PGBD2: variants seen among roughly 807,000 people sequenced by gnomAD.
PGBD2 encodes the protein piggyBac transposable element-derived protein 2.
A neutral mutation model predicts 8.1 loss-of-function variants in PGBD2; 6 were observed. The observed-to-expected ratio is 0.74, with a 90% confidence interval of 0.40 to 1.46. The LOEUF is 1.46. PGBD2 is among the 40% of genes most tolerant of loss of function. The pLI is 0.02. For missense variants in PGBD2, 802 were observed against 739.0 expected (o/e 1.09, Z -0.99); for synonymous variants, 318 against 272.2 (o/e 1.17, Z -1.66).
At chr1:248,920,953 T>C (rs921724393), downstream of PGBD2, among the ~76,000 whole-genome samples, 4 of 152,164 alleles carry the variant, frequency 2.6e-5, no homozygotes. Flanking sequence ...TTTTGAGAAG[T>C]GTCTGTTCAT....
At chr1:248,905,914 G>T (rs1240527255), upstream of PGBD2, among the ~76,000 whole-genome samples, 1 of 152,186 alleles carries the variant, frequency 6.6e-6, no homozygotes, top group Non-Finnish European at 1.5e-5. Flanking sequence ...CATTTCCATC[G>T]ATTTCCCAGG....
chr1:248,911,383 A>T, intron 1 of PGBD2, among the ~76,000 whole-genome samples: 1 of 150,774 alleles, frequency 6.6e-6, no homozygotes, highest in Non-Finnish European at 1.5e-5. Context: ...CCCTTAATCC[A>T]TTCAACCCTG....
At chr1:248,899,624 C>A in the PGBD2 span, among the ~76,000 whole-genome samples, 3 of 151,610 alleles carry the variant, frequency 2.0e-5, no homozygotes, top group Non-Finnish European at 4.4e-5. Context: ...TACTAAATGC[C>A]CACATCAAAA....
At chr1:248,929,417 T>C in the PGBD2 span, among the ~76,000 whole-genome samples, 1 of 152,196 alleles carries the variant, frequency 6.6e-6, no homozygotes, top group East Asian at 1.9e-4. Flanking sequence ...CAGGGACTTT[T>C]TAGTAATCTA....
the PGBD2 span, among the ~76,000 whole-genome samples, chr1:248,874,322 A>G: frequency 1.7e-4 from 26 of 152,160 alleles, no homozygotes; most frequent in Non-Finnish European, 2.6e-4. Flanking sequence ...TCAGGAAAGT[A>G]AGCCGTTTTA....
the PGBD2 span, among the ~76,000 whole-genome samples, chr1:248,926,287 TG>T: frequency 1.3e-5 from 2 of 152,184 alleles, no homozygotes; most frequent in Non-Finnish European, 1.5e-5. Flanking sequence ...AACATAATAA[TG>T]TAAATAATTT....
At chr1:248,922,566 C>T (rs1662308633), downstream of PGBD2, among the ~76,000 whole-genome samples, 1 of 152,094 alleles carries the variant, frequency 6.6e-6, no homozygotes, top group African/African-American at 2.4e-5. Context: ...CAGTTTTTGC[C>T]CATTCAGTAT....
chr1:248,912,741 G>A (rs1193595127), intron 1 of PGBD2: 1 of 151,206 alleles, frequency 6.6e-6, no homozygotes, highest in African/African-American at 2.4e-5. Flanking sequence ...GACAGGCTAT[G>A]CTAATCTTCT....
Position 248,913,975 on chromosome 1 carries a change from G to C in PGBD2, c.17+96G>C, listed in dbSNP as rs144738414. 5,931 of 1,018,524 alleles carry C rather than the reference G, an allele frequency of 5.8e-3. 26 individuals carry two copies. The highest frequency in any genetic ancestry group is 8.4e-3 in the Middle Eastern group (41 of 4,884). The allele number at this position is 1,018,524 out of a possible 1,614,324, so 63.1% of individuals were successfully genotyped here. On this transcript the variant is annotated intron_variant, in intron 2 of 2. Transcript: ENST00000329291. ...ATGACATTTTTAGCTCTTGGCCTCA[G>C]TATAACAGTTGGTGTCCAGGAAGTA...
chr1:248,925,547 T>A, the PGBD2 span, among the ~76,000 whole-genome samples: 5 of 151,918 alleles, frequency 3.3e-5, no homozygotes, highest in African/African-American at 9.7e-5. Context: ...TACTAGGATA[T>A]TTTCTAACCT....
the PGBD2 span, among the ~76,000 whole-genome samples, chr1:248,926,568 A>C: frequency 6.6e-6 from 1 of 152,208 alleles, no homozygotes; most frequent in African/African-American, 2.4e-5. Flanking sequence ...GTATTTCATG[A>C]AGATCTACTG....
intron 1 of PGBD2, among the ~76,000 whole-genome samples, chr1:248,910,023 C>A (rs1172205271): frequency 1.3e-5 from 2 of 152,144 alleles, no homozygotes. Flanking sequence ...GTGGATGGGG[C>A]CAGCCTAAGG....
At chr1:248,928,864 T>C in the PGBD2 span, among the ~76,000 whole-genome samples, 1 of 152,216 alleles carries the variant, frequency 6.6e-6, no homozygotes, top group African/African-American at 2.4e-5. Context: ...TTCTGCCATA[T>C]GCATAGTTCA....
chr1:248,895,666 A>G, the PGBD2 span, among the ~76,000 whole-genome samples: 4 of 151,878 alleles, frequency 2.6e-5, no homozygotes, highest in South Asian at 2.1e-4. Context: ...AGCAGTGTAC[A>G]CTGTACCCAA....
At chr1:248,915,115 G>A (rs1460920130) in intron 2 of PGBD2, among the ~76,000 whole-genome samples, 1 of 152,158 alleles carries the variant, frequency 6.6e-6, no homozygotes, top group Non-Finnish European at 1.5e-5. Context: ...TATCCGGGAT[G>A]GCATTCATTG....
Position 248,917,648 on chromosome 1 carries a change from C to A in PGBD2, c.1064C>A (p.Thr355Lys). 1 of 1,614,164 alleles carries A rather than the reference C, an allele frequency of 6.2e-7. No homozygotes were observed. The highest frequency in any genetic ancestry group is 8.5e-7 in the Non-Finnish European group (1 of 1,180,026). ...CACATATTTTTTGACAAGGTTTTCA[C>A]AAGTGTTAAACTGATGTCCATTTTG... is the stretch of plus-strand genomic sequence containing the variant. ...PYHIFFDKVF[T>K]SVKLMSILRK... The change falls in exon 3 of 3, where the codon ACA (threonine) becomes AAA (lysine). Residue 355 changes from threonine to lysine, a missense_variant. By Grantham distance (78) the Thr-to-Lys change is moderately conservative. Transcript: ENST00000329291.
upstream of PGBD2, among the ~76,000 whole-genome samples, chr1:248,905,811 A>T (rs774000613): frequency 1.3e-5 from 2 of 152,202 alleles, no homozygotes; most frequent in Non-Finnish European, 2.9e-5. Flanking sequence ...CCTAGTTTGT[A>T]CCACAATTAC....
chr1:248,908,486 A>T (rs1418667050), intron 1 of PGBD2, among the ~76,000 whole-genome samples: 1 of 151,964 alleles, frequency 6.6e-6, no homozygotes, highest in Non-Finnish European at 1.5e-5. Flanking sequence ...CCCCTCAACC[A>T]ATTATCCAGG....
At chr1:248,913,419 T>A (rs946393145) in intron 1 of PGBD2, among the ~76,000 whole-genome samples, 3 of 152,230 alleles carry the variant, frequency 2.0e-5, no homozygotes, top group African/African-American at 7.2e-5. Context: ...TTCATTTTTT[T>A]AAACTTCTAA....
Sources: gnomAD v4.1 joint callset for allele counts (sites outside exome capture counted in the v4.1 genomes callset) on GRCh38, gnomAD v4.1.1 for gene constraint, MANE v1.5 for transcripts, NCBI Gene and HGNC (gene_info 2026-07-23, HGNC 2026-07-21) for gene names.